CACNG4: variants seen among roughly 807,000 people sequenced by gnomAD.
CACNG4 encodes the protein calcium voltage-gated channel auxiliary subunit gamma 4.
CACNG4 carries 8 observed loss-of-function variants against 22.9 expected under a neutral mutation model. The observed-to-expected ratio is 0.35, with a 90% confidence interval of 0.21 to 0.63. CACNG4 has a LOEUF of 0.63. Ranked by LOEUF, CACNG4 falls within the 30% of genes least tolerant of loss-of-function variation. The pLI, the probability that CACNG4 is intolerant of heterozygous loss-of-function variation, is 0.72. For synonymous variants in CACNG4, 188 were observed against 191.9 expected, an observed-to-expected ratio of 0.98 and a Z score of 0.17; for missense variants, 357 against 455.4, an observed-to-expected ratio of 0.78 and a Z score of 1.97.
chr17:66,974,935 C>T (rs946397583), intron 1 of CACNG4, among the ~76,000 whole-genome samples: 4 of 152,118 alleles, frequency 2.6e-5, no homozygotes, highest in Non-Finnish European at 5.9e-5. Context: ...TTAACTGGAG[C>T]TGCTCTTGCA....
intron 1 of CACNG4, among the ~76,000 whole-genome samples, chr17:67,007,861 G>A (rs1176082709): frequency 3.3e-5 from 5 of 152,182 alleles, no homozygotes; most frequent in East Asian, 3.9e-4. Flanking sequence ...GAGTGATTCA[G>A]GGACCCAGGC....
intron 3 of CACNG4, among the ~76,000 whole-genome samples, chr17:67,026,424 GGTGT>G (rs1034224788): frequency 6.7e-6 from 1 of 148,932 alleles, no homozygotes; most frequent in African/African-American, 2.5e-5. Flanking sequence ...GTGTGAGCAT[GGTGT>G]GTGTGTATTT....
chr17:66,981,841 T>C (rs76153192), intron 1 of CACNG4, among the ~76,000 whole-genome samples: 1 of 152,250 alleles, frequency 6.6e-6, no homozygotes, highest in Admixed American at 6.5e-5. Flanking sequence ...TCTCAACTTA[T>C]CTTTGTAACA....
At chr17:66,982,953 G>T (rs1291587924) in intron 1 of CACNG4, among the ~76,000 whole-genome samples, 1 of 152,208 alleles carries the variant, frequency 6.6e-6, no homozygotes, top group African/African-American at 2.4e-5. Flanking sequence ...AGCCTGTGAG[G>T]CAGGTGCTAG....
chr17:67,028,941 C>G (rs1229875557), intron 3 of CACNG4, among the ~76,000 whole-genome samples: 1 of 152,244 alleles, frequency 6.6e-6, no homozygotes, highest in Non-Finnish European at 1.5e-5. Flanking sequence ...TGTACCCTTA[C>G]AGAGGGCACT....
chr17:66,996,235 G>A (rs1271032714), intron 1 of CACNG4, among the ~76,000 whole-genome samples: 1 of 147,010 alleles, frequency 6.8e-6, no homozygotes, highest in East Asian at 2.0e-4. Context: ...GTGGTAAAGA[G>A]GGCAGAAGGC....
rs1358950096 is a variant in CACNG4, at chr17:66,965,053, A to T, written c.142A>T (p.Met48Leu). 2 of 1,602,806 alleles carry T rather than the reference A, an allele frequency of 1.2e-6. No homozygotes were observed. The highest frequency in any genetic ancestry group is 1.7e-6 in the Non-Finnish European group (2 of 1,175,834). The change falls in exon 1 of 4, where the codon ATG becomes TTG. Residue 48 changes from methionine (M) to leucine (L), a missense_variant. Met to Leu is a conservative substitution (Grantham distance 15). Around this residue, in one of 3 missense-constraint regions of CACNG4, gnomAD observed 114 missense variants for 161.6 expected, o/e 0.71. Coordinates refer to ENST00000262138, the MANE Select transcript of CACNG4 (RefSeq NM_014405.4). Reference protein sequence around the residue: ...AHICNGTNLTMDDGPPPRRAR... With the variant: ...AHICNGTNLTLDDGPPPRRAR... ...CATCTGCAACGGCACCAACCTGACCATGGACGACGGGCCCCCGCCCCGCCG... is the reference window on the plus strand; with the variant it reads ...CATCTGCAACGGCACCAACCTGACCTTGGACGACGGGCCCCCGCCCCGCCG...
rs1468671402 is a variant in CACNG4, at chr17:67,033,395, A to T, written c.*2391A>T. On this transcript the variant is annotated 3_prime_UTR_variant, in exon 4 of 4. Coordinates refer to ENST00000262138, the MANE Select transcript of CACNG4 (RefSeq NM_014405.4). ...TTTTTAATTAAATAAAAACATTTTT[A>T]AAATGTTCTCTTCTTGATGTGGGGA... 3 of 151,342 alleles carry T rather than the reference A, an allele frequency of 2.0e-5. No individual in the cohort carries two copies. The highest frequency in any genetic ancestry group is 2.9e-5 in the Non-Finnish European group (2 of 67,926). The allele number at this position is 151,342 out of a possible 1,614,324, so 9.4% of individuals were successfully genotyped here. A position where few individuals can be genotyped will look rare whatever the true frequency, so the allele number is the denominator to read the frequency against.
chr17:66,989,169 G>A lies in CACNG4; in HGVS notation c.220+24038G>A, dbSNP rs540788073. Reference sequence around the variant, plus strand: ...TTAGCTTCAGGGAGAATTATGGATGGAACTGTGTCCCCTAAAAAGATATGT... The same window carrying A: ...TTAGCTTCAGGGAGAATTATGGATGAAACTGTGTCCCCTAAAAAGATATGT... On this transcript the variant is annotated intron_variant, in intron 1 of 3. Transcript: ENST00000262138. 2.0e-5 allele frequency among the ~76,000 whole-genome samples: 3 copies of A among 151,186 alleles called. No homozygotes were observed. The East Asian group carries it at 5.8e-4, about 29-fold the overall frequency.
rs933871837 is a variant in CACNG4, at chr17:67,006,553, T to C, written c.221-11636T>C. 7.2e-5 allele frequency among the ~76,000 whole-genome samples: 11 copies of C among 152,260 alleles called. No homozygotes were observed. The South Asian group carries it at 1.5e-3, about 20-fold the overall frequency. ...TGGGCCGCCATATGCCAAGTACTAC[T>C]TACTCTGTGTGAACCCCAGCACCTC... On this transcript the variant is annotated intron_variant, in intron 1 of 3. Transcript: ENST00000262138.
intron 2 of CACNG4, chr17:67,021,800 T>TGTCTTG (rs2035533637): frequency 1.3e-5 from 2 of 152,274 alleles, no homozygotes; most frequent in Non-Finnish European, 2.9e-5. Context: ...TAGAAGGAAG[T>TGTCTTG]GTCTTGTCTC....
At chr17:67,017,160 T>C (rs1407984632) in intron 1 of CACNG4, among the ~76,000 whole-genome samples, 1 of 151,972 alleles carries the variant, frequency 6.6e-6, no homozygotes, top group Non-Finnish European at 1.5e-5. Context: ...CACCGCAACC[T>C]CCACCTCCCA....
At chr17:67,014,855 T>C (rs2035487416) in intron 1 of CACNG4, among the ~76,000 whole-genome samples, 1 of 150,844 alleles carries the variant, frequency 6.6e-6, no homozygotes, top group African/African-American at 2.4e-5. Flanking sequence ...GAGAATTGCT[T>C]GAACCCAGGA....
chr17:66,994,962 G>A (rs570432894), intron 1 of CACNG4, among the ~76,000 whole-genome samples: 1 of 152,234 alleles, frequency 6.6e-6, no homozygotes, highest in African/African-American at 2.4e-5. Context: ...TGCAGCTGGA[G>A]AGAACTGCTT....
intron 3 of CACNG4, among the ~76,000 whole-genome samples, chr17:67,028,496 T>A (rs1472045971): frequency 2.0e-5 from 3 of 151,118 alleles, no homozygotes; most frequent in Admixed American, 2.0e-4. Flanking sequence ...GAGCTTGCAG[T>A]GAGCCAAGAT....
In CACNG4 at chr17:67,032,571, A is replaced by C; in HGVS notation, c.*1567A>C. Reference sequence around the variant, plus strand: ...CCCAGGTCCGTTCGGCCTAGTGATGATGTCATCGTCCATCCCATCTTCCTT... The same window carrying C: ...CCCAGGTCCGTTCGGCCTAGTGATGCTGTCATCGTCCATCCCATCTTCCTT... On this transcript the variant is annotated 3_prime_UTR_variant, in exon 4 of 4. Coordinates refer to ENST00000262138, the MANE Select transcript of CACNG4 (RefSeq NM_014405.4). 6.4e-6 allele frequency: 1 copy of C among 156,632 alleles called. No individual in the cohort carries two copies. The highest frequency in any genetic ancestry group is 6.1e-5 in the Admixed American group (1 of 16,434). 9.7% of individuals were successfully genotyped at this position (156,632 alleles called of 1,614,324 possible). A position where few individuals can be genotyped will look rare whatever the true frequency, so the allele number is the denominator to read the frequency against.
intron 3 of CACNG4, among the ~76,000 whole-genome samples, chr17:67,029,902 C>T (rs1449231314): frequency 4.6e-5 from 7 of 152,326 alleles, no homozygotes; most frequent in South Asian, 2.1e-4. Flanking sequence ...CGTGGTTGTA[C>T]CCATGTGCAC....
intron 1 of CACNG4, among the ~76,000 whole-genome samples, chr17:67,009,950 T>A (rs1177332431): frequency 1.3e-5 from 2 of 152,112 alleles, no homozygotes; most frequent in East Asian, 1.9e-4. Flanking sequence ...AACTCCCATG[T>A]CCTCTGCCCA....
chr17:66,970,320 G>A lies in CACNG4; in HGVS notation c.220+5189G>A, dbSNP rs529366091. Among the ~76,000 whole-genome samples, 15 of 152,282 alleles carry A rather than the reference G, an allele frequency of 9.9e-5. No homozygotes were observed. In the East Asian group the frequency reaches 1.2e-3, roughly 12 times the overall value. On this transcript the variant is annotated intron_variant, in intron 1 of 3. Transcript: ENST00000262138. ...GTAAGGGGGTTGTTGGAGTCAGCTTGGGCTGACGTCATAAAATATGATAGA... is the reference window on the plus strand; with the variant it reads ...GTAAGGGGGTTGTTGGAGTCAGCTTAGGCTGACGTCATAAAATATGATAGA...
Sources: allele counts gnomAD v4.1 joint callset (sites outside exome capture counted in the v4.1 genomes callset), GRCh38; gene constraint gnomAD v4.1.1; regional missense constraint gnomAD v4.1.1; transcripts MANE v1.5; gene names NCBI Gene and HGNC (gene_info 2026-07-23, HGNC 2026-07-21).